Variants in CNTN6 observed in about 807,000 individuals in gnomAD.
The protein encoded by CNTN6 is contactin-6.
In CNTN6, 137 loss-of-function variants were observed where a neutral mutation model predicts 122.8. That is an observed-to-expected ratio of 1.12 (90% CI 0.97 to 1.29). The LOEUF (loss-of-function observed/expected upper bound fraction) is 1.29. Ranked by LOEUF, CNTN6 falls within the 50% of genes most tolerant of loss-of-function variation. CNTN6 has a pLI of 0.00. For missense variants in CNTN6, 1,634 were observed against 1,223.4 expected, an observed-to-expected ratio of 1.34 and a Z score of -5.01; for synonymous variants, 570 against 426.0, an observed-to-expected ratio of 1.34 and a Z score of -4.16.
intron 4 of CNTN6, among the ~76,000 whole-genome samples, chr3:1,243,305 C>A (rs1412910840): frequency 2.0e-5 from 3 of 152,130 alleles, no homozygotes; most frequent in Non-Finnish European, 4.4e-5. Context: ...TGGGGGAACG[C>A]CTGGCTGCTG....
At chr3:1,285,288 G>A (rs900870166) in intron 5 of CNTN6, among the ~76,000 whole-genome samples, 7 of 152,176 alleles carry the variant, frequency 4.6e-5, no homozygotes, top group Admixed American at 4.6e-4. Context: ...ATTTGGGACC[G>A]AGCAACTGGA....
intron 20 of CNTN6, among the ~76,000 whole-genome samples, chr3:1,392,698 A>G (rs1485583747): frequency 1.4e-5 from 2 of 145,476 alleles, no homozygotes; most frequent in South Asian, 4.5e-4. Context: ...ATGAACTCAA[A>G]CAAATTTACA....
chr3:1,316,831 T>C (rs1339188820), intron 7 of CNTN6, among the ~76,000 whole-genome samples: 1 of 151,918 alleles, frequency 6.6e-6, no homozygotes, highest in Non-Finnish European at 1.5e-5. Context: ...TTGATTCCAG[T>C]TTTTCCCACC....
chr3:1,313,957 C>T (rs1244791444), intron 7 of CNTN6, among the ~76,000 whole-genome samples: 1 of 151,992 alleles, frequency 6.6e-6, no homozygotes, highest in Non-Finnish European at 1.5e-5. Context: ...ACTATGAAGG[C>T]TCTATCTTCA....
At chr3:1,196,561 G>C (rs1161845841) in intron 2 of CNTN6, among the ~76,000 whole-genome samples, 1 of 152,132 alleles carries the variant, frequency 6.6e-6, no homozygotes, top group Non-Finnish European at 1.5e-5. Context: ...AATGAATGAA[G>C]TGTTATGATG....
At chr3:1,355,635 G>C (rs564252964) in intron 12 of CNTN6, among the ~76,000 whole-genome samples, 1 of 151,754 alleles carries the variant, frequency 6.6e-6, no homozygotes, top group South Asian at 2.1e-4. Flanking sequence ...TCATATGATT[G>C]CTGTTACAGA....
At chr3:1,247,872 T>C (rs971003327) in intron 4 of CNTN6, among the ~76,000 whole-genome samples, 27 of 152,182 alleles carry the variant, frequency 1.8e-4, no homozygotes, top group African/African-American at 6.5e-4. Context: ...ATTCCCAAAC[T>C]ATGTGCCTGG....
intron 2 of CNTN6, among the ~76,000 whole-genome samples, chr3:1,180,563 A>G (rs2093535257): frequency 6.6e-6 from 1 of 152,264 alleles, no homozygotes; most frequent in Non-Finnish European, 1.5e-5. Flanking sequence ...TGTTTCAACT[A>G]GAATAGAAAT....
chr3:1,302,304 A>G (rs1697571061), intron 7 of CNTN6, among the ~76,000 whole-genome samples: 1 of 152,068 alleles, frequency 6.6e-6, no homozygotes, highest in African/African-American at 2.4e-5. Context: ...CTTCCTGTCT[A>G]CTTTGTGATG....
chr3:1,337,357 A>C (rs1703222589), intron 11 of CNTN6, among the ~76,000 whole-genome samples: 1 of 152,022 alleles, frequency 6.6e-6, no homozygotes. Context: ...TACAATATCT[A>C]CCTTCTAAAT....
At chr3:1,386,395 C>G (rs766297102) in intron 20 of CNTN6, among the ~76,000 whole-genome samples, 2 of 152,158 alleles carry the variant, frequency 1.3e-5, no homozygotes, top group Admixed American at 6.5e-5. Context: ...AGAATGAACT[C>G]TTCTGTTTTG....
At chr3:1,179,664 G>A (rs1300391627) in intron 2 of CNTN6, among the ~76,000 whole-genome samples, 3 of 152,100 alleles carry the variant, frequency 2.0e-5, no homozygotes, top group African/African-American at 7.2e-5. Flanking sequence ...TTAGGGGAGG[G>A]TGGGATACAA....
rs59509148 is a variant in CNTN6 at position 1,245,914 on chromosome 3, T to TA, written c.358+17931dup. ...ATACACAAATTTTTAGCTGATGAGC[T>TA]AAAAAAAAAATTGCAAAAAAATCTC... On this transcript the variant is annotated intron_variant, in intron 4 of 22. Coordinates refer to ENST00000446702, the MANE Select transcript of CNTN6 (RefSeq NM_001289080.2). 9.2e-3 allele frequency among the ~76,000 whole-genome samples: 1,371 copies of TA among 148,930 alleles called. 32 individuals are homozygous for TA. Among genetic ancestry groups the TA allele is most frequent in the African/African-American group, 0.031 (1,275 of 40,624 alleles).
At chr3:1,199,193 T>TC (rs1158389342) in intron 2 of CNTN6, among the ~76,000 whole-genome samples, 1 of 150,440 alleles carries the variant, frequency 6.6e-6, no homozygotes, top group African/African-American at 2.5e-5. Flanking sequence ...TTTTTTTTTT[T>TC]CCTGAGACAA....
chr3:1,292,167 T>A (rs74518465), intron 5 of CNTN6, among the ~76,000 whole-genome samples: 2,733 of 152,242 alleles, frequency 0.018, 94 homozygotes, highest in African/African-American at 0.062. Context: ...ATATTAAATC[T>A]AACAGCATTC....
chr3:1,323,778 A>G (rs1441993846), intron 8 of CNTN6, among the ~76,000 whole-genome samples: 3 of 151,798 alleles, frequency 2.0e-5, no homozygotes, highest in Non-Finnish European at 2.9e-5. Context: ...TCAAACCTGT[A>G]TGGTAGACCC....
chr3:1,388,316 C>G lies in CNTN6; in HGVS notation c.2704+2519C>G, dbSNP rs569696793. On this transcript the variant is annotated intron_variant, in intron 20 of 22. Coordinates refer to ENST00000446702, the MANE Select transcript of CNTN6 (RefSeq NM_001289080.2). ...AGCAGGGGCACACTGACACCTCACA[C>G]GGCAGGGTATGCCAACAGACCTGAA... 2.6e-3 allele frequency among the ~76,000 whole-genome samples: 379 copies of G among 146,486 alleles called. 19 individuals carry two copies. The highest frequency in any genetic ancestry group is 3.9e-3 in the Non-Finnish European group (260 of 65,956).
At chr3:1,322,521 A>T (rs917349965) in intron 8 of CNTN6, among the ~76,000 whole-genome samples, 2 of 151,726 alleles carry the variant, frequency 1.3e-5, no homozygotes, top group Non-Finnish European at 2.9e-5. Flanking sequence ...TTCTTTGATA[A>T]ACTTAATGTA....
intron 2 of CNTN6, among the ~76,000 whole-genome samples, chr3:1,199,405 C>G (rs1490095351): frequency 6.6e-6 from 1 of 151,976 alleles, no homozygotes; most frequent in Non-Finnish European, 1.5e-5. Context: ...GTCTCAAACT[C>G]CTAGGCTCAA....
Sources: allele counts gnomAD v4.1 joint callset (sites outside exome capture counted in the v4.1 genomes callset), GRCh38; gene constraint gnomAD v4.1.1; transcripts MANE v1.5; gene names NCBI Gene and HGNC (gene_info 2026-07-23, HGNC 2026-07-21).